MGAT4C: variants seen among roughly 807,000 people sequenced by gnomAD.
The protein encoded by MGAT4C is MGAT4 family member C.
A neutral mutation model predicts 40.1 loss-of-function variants in MGAT4C; 19 were observed. That is an observed-to-expected ratio of 0.47 (90% CI 0.33 to 0.70). MGAT4C has a LOEUF of 0.70. Ranked by LOEUF, MGAT4C falls within the 30% of genes least tolerant of loss-of-function variation. The pLI is 0.02. For synonymous variants in MGAT4C, 181 were observed against 187.1 expected (o/e 0.97, Z 0.27); for missense variants, 491 against 563.2 (o/e 0.87, Z 1.30).
At chr12:86,774,766 C>A (rs1279777558) in intron 1 of MGAT4C, among the ~76,000 whole-genome samples, 2 of 151,880 alleles carry the variant, frequency 1.3e-5, no homozygotes, top group African/African-American at 2.4e-5. Flanking sequence ...TTGAAGAAAG[C>A]AGCAATTCAA....
intron 4 of MGAT4C, among the ~76,000 whole-genome samples, chr12:86,271,695 C>T (rs1222122061): frequency 6.6e-6 from 1 of 152,180 alleles, no homozygotes; most frequent in African/African-American, 2.4e-5. Context: ...GGGAAACCTG[C>T]ACTTGCATGT....
At chr12:86,220,125 C>A (rs570942073) in intron 1 of MGAT4C, among the ~76,000 whole-genome samples, 1 of 152,010 alleles carries the variant, frequency 6.6e-6, no homozygotes, top group Non-Finnish European at 1.5e-5. Context: ...CTGAAGAGAA[C>A]CTTAACTCCA....
chr12:86,686,412 C>T (rs1446055700), intron 2 of MGAT4C, among the ~76,000 whole-genome samples: 1 of 152,088 alleles, frequency 6.6e-6, no homozygotes, highest in East Asian at 1.9e-4. Flanking sequence ...TTATCTTGTG[C>T]CAGTTTTCAA....
intron 3 of MGAT4C, among the ~76,000 whole-genome samples, chr12:86,381,057 G>A (rs1955918593): frequency 6.6e-6 from 1 of 151,940 alleles, no homozygotes; most frequent in Non-Finnish European, 1.5e-5. Flanking sequence ...CAGTTTAACA[G>A]GTACAACAGT....
chr12:86,110,308 A>ATAGTC (rs1565996309), intron 1 of MGAT4C, among the ~76,000 whole-genome samples: 1 of 11,440 alleles, frequency 8.7e-5, no homozygotes, highest in Non-Finnish European at 3.0e-4. Flanking sequence ...CTCTATATAT[A>ATAGTC]TATATATATA....
At chr12:86,347,892 T>A (rs1309741988) in intron 3 of MGAT4C, among the ~76,000 whole-genome samples, 1 of 152,202 alleles carries the variant, frequency 6.6e-6, no homozygotes, top group East Asian at 1.9e-4. Flanking sequence ...TTAATTTTAA[T>A]TCACATCAAG....
intron 2 of MGAT4C, among the ~76,000 whole-genome samples, chr12:86,013,245 G>C (rs1307380195): frequency 6.6e-6 from 1 of 152,156 alleles, no homozygotes; most frequent in Non-Finnish European, 1.5e-5. Context: ...ATTTTGAAGT[G>C]ATACTGTACC....
chr12:86,682,391 A>G (rs1329309406), intron 2 of MGAT4C, among the ~76,000 whole-genome samples: 2 of 152,070 alleles, frequency 1.3e-5, no homozygotes, highest in East Asian at 1.9e-4. Flanking sequence ...AATAATTCCA[A>G]TGAAAGGCAT....
chr12:86,600,152 T>A (rs1332340953), intron 2 of MGAT4C, among the ~76,000 whole-genome samples: 1 of 152,038 alleles, frequency 6.6e-6, no homozygotes, highest in Non-Finnish European at 1.5e-5. Context: ...CTAGAAGCCA[T>A]GAAGAGTAAA....
chr12:86,816,060 T>C (rs1037447733), intron 1 of MGAT4C, among the ~76,000 whole-genome samples: 2 of 151,998 alleles, frequency 1.3e-5, no homozygotes, highest in African/African-American at 4.8e-5. Flanking sequence ...CTTTATTCTT[T>C]ATTTTCCTGA....
intron 1 of MGAT4C, among the ~76,000 whole-genome samples, chr12:86,191,083 GCACACACACACACACACACACA>G (rs56357601): frequency 3.0e-4 from 42 of 138,470 alleles, no homozygotes; most frequent in Middle Eastern, 3.8e-3. Flanking sequence ...CTCTCTCTCT[GCACACACACACACACACACACA>G]CACACACACA....
intron 1 of MGAT4C, among the ~76,000 whole-genome samples, chr12:86,102,441 A>G (rs933208374): frequency 6.6e-6 from 1 of 152,082 alleles, no homozygotes; most frequent in Non-Finnish European, 1.5e-5. Flanking sequence ...CAGAAAGTGT[A>G]TTTACCTTTA....
At chr12:86,013,789 A>T in intron 2 of MGAT4C, 1 of 959,672 alleles carries the variant, frequency 1.0e-6, no homozygotes, top group Non-Finnish European at 1.2e-6. Flanking sequence ...AGACTTTCTT[A>T]GTAAACTCTT....
At chr12:86,315,429 G>A (rs756362347) in intron 4 of MGAT4C, among the ~76,000 whole-genome samples, 4 of 152,126 alleles carry the variant, frequency 2.6e-5, no homozygotes, top group African/African-American at 9.7e-5. Flanking sequence ...AAGGCCGGGC[G>A]CGGTGGCTCA....
chr12:86,281,474 TATC>T (rs78685375), intron 4 of MGAT4C, among the ~76,000 whole-genome samples: 14,158 of 152,120 alleles, frequency 0.093, 832 homozygotes, highest in Middle Eastern at 0.22. Flanking sequence ...CTTCAAAATG[TATC>T]ATCATTTTTA....
chr12:86,464,704 T>G (rs572201395), intron 2 of MGAT4C, among the ~76,000 whole-genome samples: 1 of 152,272 alleles, frequency 6.6e-6, no homozygotes, highest in South Asian at 2.1e-4. Context: ...CAATTAGATC[T>G]TTTACAAAGG....
At chr12:86,571,803 A>C (rs1481589682) in intron 2 of MGAT4C, among the ~76,000 whole-genome samples, 1 of 152,160 alleles carries the variant, frequency 6.6e-6, no homozygotes, top group Non-Finnish European at 1.5e-5. Context: ...ATGTTCTTCT[A>C]TGAGTTTAAG....
chr12:86,144,849 T>C (rs1334233201), intron 1 of MGAT4C, among the ~76,000 whole-genome samples: 1 of 152,152 alleles, frequency 6.6e-6, no homozygotes, highest in Non-Finnish European at 1.5e-5. Context: ...TTTAAATTAT[T>C]TTCAATTTTT....
intron 2 of MGAT4C, among the ~76,000 whole-genome samples, chr12:86,706,695 C>T (rs1161562339): frequency 6.6e-6 from 1 of 152,022 alleles, no homozygotes; most frequent in Non-Finnish European, 1.5e-5. Flanking sequence ...TATGAATTGC[C>T]CTAGAATCCC....
Sources: allele counts gnomAD v4.1 joint callset (sites outside exome capture counted in the v4.1 genomes callset), GRCh38; gene constraint gnomAD v4.1.1; transcripts MANE v1.5; gene names NCBI Gene and HGNC (gene_info 2026-07-23, HGNC 2026-07-21).